ARHGEF28: variants seen among roughly 807,000 people sequenced by gnomAD.
The protein encoded by ARHGEF28 is 190 kDa guanine nucleotide exchange factor.
ARHGEF28 carries 152 observed loss-of-function variants against 206.6 expected under a neutral mutation model. The observed-to-expected ratio is 0.74, with a 90% CI of 0.64 to 0.84. The LOEUF is 0.84. Ranked by LOEUF, ARHGEF28 falls within the 40% of genes least tolerant of loss-of-function variation. The pLI, the probability that ARHGEF28 is intolerant of heterozygous loss-of-function variation, is 0.00. For missense variants in ARHGEF28, 2,028 were observed against 2,073.2 expected (o/e 0.98, Z 0.42); for synonymous variants, 763 against 776.4 (o/e 0.98, Z 0.29).
intron 2 of ARHGEF28, among the ~76,000 whole-genome samples, chr5:73,703,948 C>G (rs1316558571): frequency 1.3e-5 from 2 of 151,214 alleles, no homozygotes; most frequent in Non-Finnish European, 2.9e-5. Context: ...CGCTTGAACA[C>G]AGGAGGCAGA....
intron 7 of ARHGEF28, among the ~76,000 whole-genome samples, chr5:73,788,716 T>A (rs1374352269): frequency 4.6e-5 from 7 of 152,138 alleles, no homozygotes; most frequent in African/African-American, 1.7e-4. Context: ...TATCAAATTG[T>A]CAAAAAATCT....
chr5:73,878,854 A>G (rs1469535240), intron 22 of ARHGEF28, among the ~76,000 whole-genome samples: 1 of 151,468 alleles, frequency 6.6e-6, no homozygotes, highest in Non-Finnish European at 1.5e-5. Flanking sequence ...GGCTGCCCTT[A>G]ACATTTTTTC....
At chr5:73,736,054 C>T (rs1171908918) in intron 2 of ARHGEF28, among the ~76,000 whole-genome samples, 1 of 152,192 alleles carries the variant, frequency 6.6e-6, no homozygotes, top group Non-Finnish European at 1.5e-5. Flanking sequence ...CGTCTTCATA[C>T]CATCTGTGCC....
At chr5:73,886,593 A>G (rs542785239) in intron 25 of ARHGEF28, among the ~76,000 whole-genome samples, 12 of 152,330 alleles carry the variant, frequency 7.9e-5, no homozygotes, top group African/African-American at 2.9e-4. Context: ...CCTCAGTGCT[A>G]CTGTTTGCTA....
In ARHGEF28 at chr5:73,696,342, C is replaced by G. The variant is rs572102623; in HGVS notation, c.33+11458C>G. On this transcript the variant is annotated intron_variant, in intron 2 of 35. Transcript: ENST00000513042. ...CAGCCATACCCTTCTGCTCTCAGTT[C>G]TTCGTGAATGCCATGCTTCTTCCTG... Among the ~76,000 whole-genome samples, 4 of 152,312 alleles carry G rather than the reference C, an allele frequency of 2.6e-5. No individual in the cohort carries two copies. The South Asian group carries it at 8.3e-4, about 32-fold the overall frequency.
At chr5:73,627,917 A>G (rs1367493350) in intron 1 of ARHGEF28, among the ~76,000 whole-genome samples, 2 of 152,062 alleles carry the variant, frequency 1.3e-5, no homozygotes, top group African/African-American at 4.8e-5. Flanking sequence ...AAAACCACAC[A>G]ATCTGGCCAA....
chr5:73,919,273 G>A (rs1348265471), intron 35 of ARHGEF28, among the ~76,000 whole-genome samples: 1 of 152,172 alleles, frequency 6.6e-6, no homozygotes, highest in East Asian at 1.9e-4. Context: ...ATAATTAGCT[G>A]TAAATTGGGA....
chr5:73,820,580 TCTC>T (rs1438636207), intron 9 of ARHGEF28, among the ~76,000 whole-genome samples: 1 of 152,042 alleles, frequency 6.6e-6, no homozygotes, highest in African/African-American at 2.4e-5. Context: ...ACCTGGTGAT[TCTC>T]CTTCTGGCTT....
At chr5:73,786,759 G>T (rs1474665663) in intron 7 of ARHGEF28, among the ~76,000 whole-genome samples, 2 of 152,184 alleles carry the variant, frequency 1.3e-5, no homozygotes, top group Non-Finnish European at 2.9e-5. Flanking sequence ...ACCTTGCCCA[G>T]TATTGAACAT....
chr5:73,680,232 C>T (rs1375493954), intron 1 of ARHGEF28, among the ~76,000 whole-genome samples: 3 of 151,414 alleles, frequency 2.0e-5, no homozygotes, highest in African/African-American at 4.9e-5. Context: ...GTCAGGAGTT[C>T]AAGACCAGCC....
At chr5:73,872,182 A>G (rs1251440879) in intron 21 of ARHGEF28, among the ~76,000 whole-genome samples, 4 of 152,096 alleles carry the variant, frequency 2.6e-5, no homozygotes, top group African/African-American at 9.7e-5. Context: ...AACTAGCCTA[A>G]TATGTGTGAA....
intron 9 of ARHGEF28, among the ~76,000 whole-genome samples, chr5:73,832,053 G>A (rs1191984589): frequency 6.6e-6 from 1 of 152,150 alleles, no homozygotes; most frequent in Non-Finnish European, 1.5e-5. Context: ...GAAATCAAAA[G>A]CAAAGATTTA....
chr5:73,852,524 T>C, intron 13 of ARHGEF28, 126 bp from the exon 14 acceptor site: 1 of 813,618 alleles, frequency 1.2e-6, no homozygotes, highest in South Asian at 1.6e-5. Flanking sequence ...GGTAACTCAT[T>C]TTCTCATTAT....
intron 35 of ARHGEF28, among the ~76,000 whole-genome samples, chr5:73,932,942 G>T (rs1401961919): frequency 6.6e-6 from 1 of 150,940 alleles, no homozygotes; most frequent in Non-Finnish European, 1.5e-5. Flanking sequence ...CCGTGTAGCT[G>T]GGACTACAGG....
intron 18 of ARHGEF28, 48 bp from the exon 19 acceptor site, chr5:73,867,828 G>A (rs751710540): frequency 3.7e-6 from 6 of 1,611,710 alleles, no homozygotes; most frequent in Non-Finnish European, 5.1e-6. Context: ...ACTTTTACTT[G>A]TAATTACTGA....
intron 1 of ARHGEF28, among the ~76,000 whole-genome samples, chr5:73,682,151 A>G (rs1747148781): frequency 6.6e-6 from 1 of 152,180 alleles, no homozygotes; most frequent in South Asian, 2.1e-4. Flanking sequence ...ATAAACTGCC[A>G]TAGGGGCATG....
chr5:73,650,940 G>C (rs1744784547), intron 1 of ARHGEF28, among the ~76,000 whole-genome samples: 4 of 152,160 alleles, frequency 2.6e-5, no homozygotes, highest in Admixed American at 2.6e-4. Context: ...TGTATCCAAA[G>C]AAAAAGCTTT....
chr5:73,858,340 C>G (rs1031584673), intron 16 of ARHGEF28, 121 bp downstream of exon 16: 1 of 1,276,236 alleles, frequency 7.8e-7, no homozygotes, highest in East Asian at 2.5e-5. Flanking sequence ...ATGACTGAAC[C>G]GTTTACCAAG....
rs577263056 is a variant in ARHGEF28 at position 73,873,229 on chromosome 5, G to A, written c.2797G>A (p.Asp933Asn). The A allele has an allele frequency of 6.2e-7, 1 of 1,610,694 alleles. No homozygotes were observed. Among genetic ancestry groups the A allele is most frequent in the African/African-American group, 1.3e-5 (1 of 75,004 alleles). Residue 933 changes from aspartate to asparagine, a missense_variant, in exon 22 of 36, where the codon GAT (aspartate) becomes AAT (asparagine). By Grantham distance (23) the Asp-to-Asn change is conservative. This residue lies in a region of ARHGEF28 where 223 missense variants were observed against 289.9 expected (regional missense o/e 0.77). Transcript: ENST00000513042. The part of the protein sequence containing the change: ...DRNFVIDRIG[D>N]ILVQQFSEEN... ...GAATTTTGTGATCGACCGAATTGGAGATATTTTGGTACAACAGGTAAGAAG... is the reference window on the plus strand; with the variant it reads ...GAATTTTGTGATCGACCGAATTGGAAATATTTTGGTACAACAGGTAAGAAG...
Sources: allele counts gnomAD v4.1 joint callset (sites outside exome capture counted in the v4.1 genomes callset), GRCh38; gene constraint gnomAD v4.1.1; regional missense constraint gnomAD v4.1.1; transcripts MANE v1.5; gene names NCBI Gene and HGNC (gene_info 2026-07-23, HGNC 2026-07-21).